Variants in MARCHF10 observed in about 807,000 individuals in gnomAD.
The protein encoded by MARCHF10 is probable E3 ubiquitin-protein ligase MARCHF10.
Under a neutral mutation model 76.2 loss-of-function variants are expected in MARCHF10, and 64 were observed. That is an observed-to-expected ratio of 0.84 (90% CI 0.69 to 1.03). The LOEUF is 1.03. MARCHF10 is among the 50% of genes least tolerant of loss of function. The pLI, the probability that MARCHF10 is intolerant of heterozygous loss-of-function variation, is 0.00. For missense variants in MARCHF10, 875 were observed against 958.0 expected (o/e 0.91, Z 1.14); for synonymous variants, 340 against 357.5 (o/e 0.95, Z 0.55).
chr17:62,715,529 C>G (rs1446336928), intron 8 of MARCHF10, among the ~76,000 whole-genome samples: 1 of 152,202 alleles, frequency 6.6e-6, no homozygotes, highest in Non-Finnish European at 1.5e-5. Context: ...ACCGCAAAAC[C>G]GAGTGCCCAA....
intron 2 of MARCHF10, among the ~76,000 whole-genome samples, chr17:62,792,812 C>T (rs1234464692): frequency 7.0e-6 from 1 of 143,468 alleles, no homozygotes. Flanking sequence ...CCTCCATCAC[C>T]ACCACCACCA....
At chr17:62,759,102 G>A (rs746732000) in intron 4 of MARCHF10, among the ~76,000 whole-genome samples, 22 of 152,320 alleles carry the variant, frequency 1.4e-4, no homozygotes, top group Non-Finnish European at 2.9e-4. Context: ...TTCTCTCAGA[G>A]AGGACAAACC....
chr17:62,789,529 T>G (rs1362612885), intron 2 of MARCHF10, among the ~76,000 whole-genome samples: 3 of 152,350 alleles, frequency 2.0e-5, no homozygotes, highest in African/African-American at 7.2e-5. Flanking sequence ...TTTCCTATTG[T>G]AGGTAGTTGT....
chr17:62,723,433 C>A (rs2147708247), intron 7 of MARCHF10, among the ~76,000 whole-genome samples: 1 of 151,736 alleles, frequency 6.6e-6, no homozygotes, highest in East Asian at 1.9e-4. Flanking sequence ...AAAAATAGGG[C>A]TTGTGCAGTT....
intron 5 of MARCHF10, among the ~76,000 whole-genome samples, chr17:62,740,083 CGT>C (rs72034322): frequency 0.3 from 43,584 of 143,800 alleles, 6,623 homozygotes; most frequent in Admixed American, 0.35. Flanking sequence ...TGTGTGTGTG[CGT>C]GTGTGTGTGT....
chr17:62,729,474 G>T (rs1039705001), intron 6 of MARCHF10, among the ~76,000 whole-genome samples: 2 of 146,602 alleles, frequency 1.4e-5, no homozygotes, highest in African/African-American at 5.0e-5. Context: ...ATATGTAGAT[G>T]ATATATATTT....
rs2251391 is a variant in MARCHF10 at position 62,701,664 on chromosome 17, G to A, written c.*39C>T. ...TGGGGACGTAGAAAGAAGGGCTGGC[G>A]GGAGAGGTCTCCGCCGAGCTCCACA... On this transcript the variant is annotated 3_prime_UTR_variant, in exon 11 of 11. Transcript: ENST00000311269. The A allele has an allele frequency of 0.028, 44,558 of 1,613,652 alleles. 888 individuals are homozygous for A. Among genetic ancestry groups the A allele is most frequent in the East Asian group, 0.11 (4,740 of 44,886 alleles).
chr17:62,764,602 G>A (rs1444136393), intron 3 of MARCHF10, among the ~76,000 whole-genome samples: 1 of 110,662 alleles, frequency 9.0e-6, no homozygotes, highest in African/African-American at 2.6e-5. Flanking sequence ...GGGACTGTGT[G>A]TGCCACCTTC....
chr17:62,725,543 G>T (rs1473893435), intron 6 of MARCHF10, among the ~76,000 whole-genome samples: 1 of 152,240 alleles, frequency 6.6e-6, no homozygotes, highest in Non-Finnish European at 1.5e-5. Context: ...GGGATTACAG[G>T]TGTGAGCCCC....
chr17:62,791,028 A>G (rs1330215787), intron 2 of MARCHF10, among the ~76,000 whole-genome samples: 1 of 152,258 alleles, frequency 6.6e-6, no homozygotes, highest in Non-Finnish European at 1.5e-5. Context: ...ATAGTAAGTC[A>G]TCATAATAAA....
At chr17:62,737,950 C>G (rs1183191974) in intron 5 of MARCHF10, 1 of 152,318 alleles carries the variant, frequency 6.6e-6, no homozygotes, top group African/African-American at 2.4e-5. Flanking sequence ...TCACTAGCCC[C>G]AGGTCAATTC....
intron 5 of MARCHF10, among the ~76,000 whole-genome samples, 163 bp downstream of exon 5, chr17:62,744,213 C>G (rs2091619634): frequency 6.6e-6 from 1 of 152,190 alleles, no homozygotes; most frequent in South Asian, 2.1e-4. Context: ...GCCAAAAGCC[C>G]TAGGATCATA....
intron 4 of MARCHF10, 53 bp from the exon 5 acceptor site, chr17:62,744,581 T>A: frequency 6.3e-7 from 1 of 1,597,728 alleles, no homozygotes; most frequent in Non-Finnish European, 8.5e-7. Context: ...GAAAATGTCT[T>A]CCATATAAAG....
intron 4 of MARCHF10, among the ~76,000 whole-genome samples, chr17:62,756,372 G>A (rs1009754571): frequency 1.3e-5 from 2 of 152,178 alleles, no homozygotes; most frequent in Admixed American, 6.5e-5. Context: ...CTTGAGCCCA[G>A]GAGTTTGAGG....
At chr17:62,786,330 A>G (rs751325415) in intron 3 of MARCHF10, among the ~76,000 whole-genome samples, 7 of 150,852 alleles carry the variant, frequency 4.6e-5, no homozygotes, top group Non-Finnish European at 8.9e-5. Context: ...GGAATTGAAC[A>G]ATGAGAACAC....
Position 62,701,663 on chromosome 17 carries a change from C to G in MARCHF10, c.*40G>C, listed in dbSNP as rs575015725. On this transcript the variant is annotated 3_prime_UTR_variant, in exon 11 of 11. Coordinates refer to ENST00000311269, the MANE Select transcript of MARCHF10 (RefSeq NM_152598.4). ...TTGGGGACGTAGAAAGAAGGGCTGG[C>G]GGGAGAGGTCTCCGCCGAGCTCCAC... The G allele has an allele frequency of 5.0e-5, 80 of 1,613,492 alleles. No homozygotes were observed. Among genetic ancestry groups the G allele is most frequent in the Non-Finnish European group, 2.5e-6 (3 of 1,179,920 alleles).
intron 9 of MARCHF10, among the ~76,000 whole-genome samples, chr17:62,707,958 C>T (rs890384177): frequency 6.6e-6 from 1 of 151,932 alleles, no homozygotes; most frequent in Non-Finnish European, 1.5e-5. Context: ...AAAAAATTAG[C>T]CAGGTGTAGT....
chr17:62,721,386 C>G (rs1304825845), intron 8 of MARCHF10, among the ~76,000 whole-genome samples: 1 of 149,784 alleles, frequency 6.7e-6, no homozygotes, highest in African/African-American at 2.5e-5. Flanking sequence ...GGTACTGTGT[C>G]TTTGAAATTT....
rs2041283 is a variant in MARCHF10 at position 62,736,266 on chromosome 17, G to A, written c.1602C>T (p.Asn534=). The A allele has an allele frequency of 0.38, 605,488 of 1,613,946 alleles. 117,019 individuals are homozygous for A. The highest frequency in any genetic ancestry group is 0.4 in the Admixed American group (24,166 of 60,002). The stretch of plus-strand genomic sequence containing the variant: ...CCCTGACAGCAAATTCGTGTGCACT[G>A]TTTACTGGGAAATAATTATGGTTTT... ...SAENHNYFPV[N]SAHEFAVREA... is the part of the protein sequence containing the mutation. Residue 534 remains asparagine, a synonymous_variant, in exon 6 of 11, where the codon AAC becomes AAT. Transcript: ENST00000311269.
Sources: allele counts gnomAD v4.1 joint callset (sites outside exome capture counted in the v4.1 genomes callset), GRCh38; gene constraint gnomAD v4.1.1; transcripts MANE v1.5; gene names NCBI Gene and HGNC (gene_info 2026-07-23, HGNC 2026-07-21).